Variants in TMEM134 observed in about 807,000 individuals in gnomAD.
The protein encoded by TMEM134 is transmembrane protein 134.
In TMEM134, 36 loss-of-function variants were observed where a neutral mutation model predicts 26.2. The observed-to-expected ratio is 1.37, with a 90% CI of 1.05 to 1.81. The LOEUF (loss-of-function observed/expected upper bound fraction) is 1.81. Among genes scored for constraint, TMEM134 ranks in the 40% most tolerant of loss-of-function variants. The pLI is 0.00. For synonymous variants in TMEM134, 133 were observed against 113.6 expected (o/e 1.17, Z -1.08); for missense variants, 339 against 263.5 (o/e 1.29, Z -1.98).
chr11:67,468,863 G>T (rs1299820386), intron 1 of TMEM134, among the ~76,000 whole-genome samples, 156 bp downstream of exon 1: 1 of 152,196 alleles, frequency 6.6e-6, no homozygotes, highest in Non-Finnish European at 1.5e-5. Flanking sequence ...CCTGGGCAGG[G>T]CTCTGGATCA....
intron 6 of TMEM134, 26 bp downstream of exon 6, chr11:67,464,777 C>T: frequency 6.4e-7 from 1 of 1,574,732 alleles, no homozygotes; most frequent in Non-Finnish European, 8.6e-7. Context: ...AGCCCCCGCC[C>T]CTTCCGCCCC....
rs761924870 is a variant in TMEM134, at chr11:67,465,124, GGT to G, written c.407-26_407-25del. The G allele has an allele frequency of 4.5e-6, 7 of 1,559,128 alleles. No homozygotes were observed. In the African/African-American group the frequency reaches 9.5e-5, roughly 21 times the overall value. On this transcript the variant is annotated intron_variant, in intron 4 of 6. Transcript: ENST00000308022. Reference sequence around the variant, plus strand: ...CACTGCACACAGACGGAGCCGCGGGGGTGGGGGCAGGAGCAGTGGTGAGGGCG... The same window carrying G: ...CACTGCACACAGACGGAGCCGCGGGGGGGGGCAGGAGCAGTGGTGAGGGCG...
In TMEM134 at chr11:67,469,189, T is replaced by G; in HGVS notation, c.4A>C (p.Ser2Arg). M[S>R]AARPQFSIDD... ...ATGCTGAACTGGGGCCGGGCGGCGC[T>G]CATGGCCCCGGCCCGCTCAGGCGCC... The change falls in exon 1 of 7, where the codon AGC becomes CGC. Residue 2 changes from serine (S) to arginine (R), a missense_variant. Coordinates refer to ENST00000308022, the MANE Select transcript of TMEM134 (RefSeq NM_025124.4). 7.5e-7 allele frequency: 1 copy of G among 1,336,022 alleles called. No individual in the cohort carries two copies. Among genetic ancestry groups the G allele is most frequent in the Non-Finnish European group, 9.7e-7 (1 of 1,035,722 alleles). The allele number at this position is 1,336,022 out of a possible 1,614,324, so 82.8% of individuals were successfully genotyped here. A position where few individuals can be genotyped will look rare whatever the true frequency, so the allele number is the denominator to read the frequency against.
At chr11:67,466,622 A>T (rs1219048550) in intron 4 of TMEM134, 1 of 153,236 alleles carries the variant, frequency 6.5e-6, no homozygotes, top group Non-Finnish European at 1.5e-5. Context: ...GCCTTCCTGG[A>T]GAAGCGGAGA....
At position 67,469,250 on chromosome 11, in the gene TMEM134, T is replaced by C. The variant is rs1451607920; in HGVS notation, c.-58A>G. The C allele has an allele frequency of 5.7e-6, 7 of 1,219,034 alleles. No individual in the cohort carries two copies. Among genetic ancestry groups the C allele is most frequent in the African/African-American group, 1.6e-5 (1 of 63,642 alleles). The allele number at this position is 1,219,034 out of a possible 1,614,324, so 75.5% of individuals were successfully genotyped here. On this transcript the variant is annotated 5_prime_UTR_variant, in exon 1 of 7. Transcript: ENST00000308022. Reference sequence around the variant, plus strand: ...GCCATCTGCGCCCACACACCCAGCGTCGCCGCTGCCCCGCCCCCGCATGCC... The same window carrying C: ...GCCATCTGCGCCCACACACCCAGCGCCGCCGCTGCCCCGCCCCCGCATGCC...
In TMEM134 at chr11:67,462,348, T is replaced by C. The variant is rs1334845060; in HGVS notation, c.*2266A>G. 6.6e-6 allele frequency: 1 copy of C among 151,718 alleles called. No homozygotes were observed. Among genetic ancestry groups the C allele is most frequent in the Non-Finnish European group, 1.5e-5 (1 of 67,930 alleles). The allele number at this position is 151,718 out of a possible 1,614,324, so 9.4% of individuals were successfully genotyped here. ...ATTAATCTGATAAACTGTGGACTTG[T>C]ATTCTGTATTTTTTTTTTTTTTGGA... On this transcript the variant is annotated 3_prime_UTR_variant, in exon 7 of 7. Transcript: ENST00000308022.
In TMEM134 at chr11:67,464,416, C is replaced by G. The variant is rs1047149; in HGVS notation, c.*198G>C. ...ACAGCAACCTAGCAGCCGCACGGCCCGAGAATAAGTTAAGGCACAGAGCAG... is the reference window on the plus strand; with the variant it reads ...ACAGCAACCTAGCAGCCGCACGGCCGGAGAATAAGTTAAGGCACAGAGCAG... On this transcript the variant is annotated 3_prime_UTR_variant, in exon 7 of 7. Transcript: ENST00000308022. 3.2e-6 allele frequency: 2 copies of G among 619,208 alleles called. No homozygotes were observed. The highest frequency in any genetic ancestry group is 5.8e-6 in the Non-Finnish European group (2 of 345,830). 38.4% of individuals were successfully genotyped at this position (619,208 alleles called of 1,614,324 possible).
At chr11:67,466,985 C>T in intron 4 of TMEM134, 1 of 384,498 alleles carries the variant, frequency 2.6e-6, no homozygotes, top group Non-Finnish European at 4.8e-6. Context: ...CTGCCCTGCA[C>T]CTTGCCCAGA....
intron 1 of TMEM134, 37 bp downstream of exon 1, chr11:67,468,982 G>C: frequency 7.0e-7 from 1 of 1,438,792 alleles, no homozygotes; most frequent in Non-Finnish European, 9.1e-7. Flanking sequence ...GTCCCGTCCG[G>C]CCGGGGGCAG....
At chr11:67,466,671 T>C (rs1467567163) in intron 4 of TMEM134, 1 of 155,134 alleles carries the variant, frequency 6.4e-6, no homozygotes, top group Non-Finnish European at 1.4e-5. Flanking sequence ...TCCCTTCTTA[T>C]GGATCACTCG....
intron 1 of TMEM134, chr11:67,468,314 C>T: frequency 1.8e-6 from 1 of 558,468 alleles, no homozygotes; most frequent in Non-Finnish European, 3.2e-6. Flanking sequence ...TGCATAGATC[C>T]CAGGGAAAGG....
At chr11:67,467,742 A>G in intron 2 of TMEM134, 152 bp from the exon 3 acceptor site, 1 of 750,318 alleles carries the variant, frequency 1.3e-6, no homozygotes, top group Non-Finnish European at 2.2e-6. Context: ...GGTGAGCATG[A>G]ATTCAGGGGC....
rs1032282955 is a variant in TMEM134 at position 67,462,367 on chromosome 11, T to C, written c.*2247A>G. ...GACTTGTATTCTGTATTTTTTTTTTTTTTGGAGACAGAGTCTCGCTCTGTC... is the reference window on the plus strand; with the variant it reads ...GACTTGTATTCTGTATTTTTTTTTTCTTTGGAGACAGAGTCTCGCTCTGTC... On this transcript the variant is annotated 3_prime_UTR_variant, in exon 7 of 7. Transcript: ENST00000308022. The C allele has an allele frequency of 6.6e-5, 10 of 151,584 alleles. No homozygotes were observed. Among genetic ancestry groups the C allele is most frequent in the Admixed American group, 4.6e-4 (7 of 15,230 alleles). The allele number at this position is 151,584 out of a possible 1,614,324, so 9.4% of individuals were successfully genotyped here.
intron 2 of TMEM134, 32 bp from the exon 3 acceptor site, chr11:67,467,622 G>T: frequency 6.2e-7 from 1 of 1,609,322 alleles, no homozygotes. Flanking sequence ...GAGGGGCAGG[G>T]AGGCAAGGAC....
At chr11:67,466,911 C>T (rs536105485) in intron 4 of TMEM134, 1 of 247,010 alleles carries the variant, frequency 4.0e-6, no homozygotes, top group Non-Finnish European at 7.9e-6. Context: ...CATCCCTGAG[C>T]CCCTACACGT....
At chr11:67,464,886 C>A (rs777357822) in intron 5 of TMEM134, 30 bp from the exon 6 acceptor site, 1 of 1,607,806 alleles carries the variant, frequency 6.2e-7, no homozygotes, top group Non-Finnish European at 8.5e-7. Flanking sequence ...CCGGTCAGGG[C>A]GAGGGGGCGG....
chr11:67,468,141 C>T (rs775920429), intron 1 of TMEM134, 49 bp from the exon 2 acceptor site: 6 of 1,507,090 alleles, frequency 4.0e-6, no homozygotes, highest in Non-Finnish European at 5.4e-6. Context: ...GGGGCCCTTC[C>T]TCACTCCCTC....
chr11:67,468,181 C>T (rs982129512), intron 1 of TMEM134, 89 bp from the exon 2 acceptor site: 3 of 1,278,662 alleles, frequency 2.3e-6, no homozygotes, highest in Non-Finnish European at 2.2e-6. Flanking sequence ...CCTACACAAC[C>T]ATTTGCCTGG....
In TMEM134 at chr11:67,468,033, G is replaced by A; in HGVS notation, c.234C>T (p.Gly78=). ...QASPEPDGGV[G]TRDSSRTSIR... ...GGTCCCCACCTGGCCCTAACCTGGT[G>A]CCGACTCCCCCATCCGGCTCCGGAG... The change falls in exon 2 of 7, where the codon GGC becomes GGT. Residue 78 remains glycine (G), a synonymous_variant. Coordinates refer to ENST00000308022, the MANE Select transcript of TMEM134 (RefSeq NM_025124.4). 1 of 1,557,760 alleles carries A rather than the reference G, an allele frequency of 6.4e-7. No homozygotes were observed. Among genetic ancestry groups the A allele is most frequent in the Admixed American group, 1.9e-5 (1 of 51,882 alleles).
Sources: gnomAD v4.1 joint callset for allele counts (sites outside exome capture counted in the v4.1 genomes callset) on GRCh38, gnomAD v4.1.1 for gene constraint, MANE v1.5 for transcripts, NCBI Gene and HGNC (gene_info 2026-07-23, HGNC 2026-07-21) for gene names.